DCTD: variants seen among roughly 807,000 people sequenced by gnomAD.
DCTD encodes the protein deoxycytidylate deaminase.
In DCTD, 23 loss-of-function variants were observed where a neutral mutation model predicts 21.0. The ratio of observed to expected loss-of-function variants is 1.09; its 90% CI spans 0.79 to 1.55. DCTD has a LOEUF of 1.55. DCTD is among the 40% of genes most tolerant of loss of function. DCTD has a pLI of 0.00. For synonymous variants in DCTD, 71 were observed against 81.1 expected (o/e 0.88, Z 0.67); for missense variants, 224 against 230.0 (o/e 0.97, Z 0.17).
chr4:182,908,721 G>T (rs921805412), intron 3 of DCTD, among the ~76,000 whole-genome samples: 1 of 143,452 alleles, frequency 7.0e-6, no homozygotes, highest in East Asian at 2.1e-4. Context: ...AGAAGAAGAA[G>T]AAGAAATAAA....
At chr4:182,896,188 G>A (rs1242959071) in intron 3 of DCTD, among the ~76,000 whole-genome samples, 2 of 152,150 alleles carry the variant, frequency 1.3e-5, no homozygotes, top group East Asian at 1.9e-4. Context: ...TTGCTTCATC[G>A]ATGATCATTT....
chr4:182,907,345 C>T (rs1026754670), intron 3 of DCTD, among the ~76,000 whole-genome samples: 1 of 152,136 alleles, frequency 6.6e-6, no homozygotes, highest in Admixed American at 6.5e-5. Flanking sequence ...GCCATGTTGC[C>T]CAGGCTGGTC....
intron 4 of DCTD, 57 bp downstream of exon 4, chr4:182,894,432 G>C: frequency 2.0e-6 from 2 of 976,726 alleles, no homozygotes; most frequent in Non-Finnish European, 3.3e-6. Context: ...TCAGCAATGA[G>C]CTACTGACGA....
intron 3 of DCTD, among the ~76,000 whole-genome samples, chr4:182,895,021 C>T (rs1036569907): frequency 6.6e-6 from 1 of 152,206 alleles, no homozygotes; most frequent in South Asian, 2.1e-4. Context: ...CGAAGCTGAG[C>T]GTGTCCATCC....
rs535880790 is a variant in DCTD at position 182,893,726 on chromosome 4, G to A, written c.362-599C>T. On this transcript the variant is annotated intron_variant, in intron 4 of 5. Transcript: ENST00000438320. Reference sequence around the variant, plus strand: ...CTGCTCGGCCCACAGGCCTGCCACCGCCTCCACACCTGGGCACCGCGAGGA... The same window carrying A: ...CTGCTCGGCCCACAGGCCTGCCACCACCTCCACACCTGGGCACCGCGAGGA... Among the ~76,000 whole-genome samples, 73 of 152,168 alleles carry A rather than the reference G, an allele frequency of 4.8e-4. No individual in the cohort carries two copies. In the South Asian group the frequency reaches 5.6e-3, roughly 12 times the overall value.
intron 3 of DCTD, among the ~76,000 whole-genome samples, chr4:182,910,292 T>C (rs754054074): frequency 3.9e-5 from 6 of 152,190 alleles, no homozygotes; most frequent in Non-Finnish European, 8.8e-5. Context: ...TTACTAAAAA[T>C]TCCCTTAAGT....
intron 3 of DCTD, among the ~76,000 whole-genome samples, chr4:182,902,497 C>G (rs1735915577): frequency 1.3e-5 from 2 of 152,234 alleles, no homozygotes; most frequent in Admixed American, 1.3e-4. Flanking sequence ...CTCCCCGCCC[C>G]TCTCCTGGCT....
intron 3 of DCTD, among the ~76,000 whole-genome samples, chr4:182,898,696 T>C (rs1209294881): frequency 6.6e-6 from 1 of 152,198 alleles, no homozygotes; most frequent in Non-Finnish European, 1.5e-5. Context: ...ACTTAGTCCT[T>C]AGTCTAGAGA....
chr4:182,916,819 C>A, intron 1 of DCTD: 2 of 1,106,540 alleles, frequency 1.8e-6, no homozygotes, highest in Non-Finnish European at 1.1e-6. Flanking sequence ...CCTGGTGTGG[C>A]TGAACGCCCA....
Position 182,908,577 on chromosome 4 carries a change from C to T in DCTD, c.244+6346G>A, listed in dbSNP as rs905461455. Among the ~76,000 whole-genome samples, 14 of 150,898 alleles carry T rather than the reference C, an allele frequency of 9.3e-5. No homozygotes were observed. In the East Asian group the frequency reaches 1.2e-3, roughly 13 times the overall value. ...CGTGCCTGTAATCACACAGCTACTC[C>T]GAGGCTGAAGCAGGAGAATCGCTTG... On this transcript the variant is annotated intron_variant, in intron 3 of 5. Coordinates refer to ENST00000438320, the MANE Select transcript of DCTD (RefSeq NM_001921.3).
intron 5 of DCTD, 41 bp downstream of exon 5, chr4:182,892,990 T>G (rs200866423): frequency 8.0e-7 from 1 of 1,244,548 alleles, no homozygotes; most frequent in African/African-American, 1.5e-5. Flanking sequence ...TCATCAGCCT[T>G]CACCCTACCC....
At chr4:182,902,255 T>C (rs1204713925) in intron 3 of DCTD, among the ~76,000 whole-genome samples, 2 of 152,138 alleles carry the variant, frequency 1.3e-5, no homozygotes, top group Non-Finnish European at 2.9e-5. Flanking sequence ...GTGTTCCCAA[T>C]TATGGCTTCC....
Position 182,891,238 on chromosome 4 carries a change from CAA to C in DCTD, c.*159_*160del, listed in dbSNP as rs1733687845. ...TCAAACACATGTAGATTCCATGTGA[CAA>C]GAGAGACAGTAAGGAAGATTTGAGG... On this transcript the variant is annotated 3_prime_UTR_variant, in exon 6 of 6. Transcript: ENST00000438320. 1.6e-6 allele frequency: 1 copy of C among 641,176 alleles called. No individual in the cohort carries two copies. The highest frequency in any genetic ancestry group is 2.5e-5 in the East Asian group (1 of 39,536). 39.7% of individuals were successfully genotyped at this position (641,176 alleles called of 1,614,324 possible).
intron 2 of DCTD, among the ~76,000 whole-genome samples, 156 bp from the exon 3 acceptor site, chr4:182,915,214 G>A (rs1182752188): frequency 6.6e-6 from 1 of 152,166 alleles, no homozygotes; most frequent in Non-Finnish European, 1.5e-5. Context: ...GGTTTTTTGT[G>A]GCAGCACCCA....
intron 3 of DCTD, among the ~76,000 whole-genome samples, chr4:182,904,561 CCTCAGG>C (rs1013911574): frequency 1.3e-5 from 2 of 152,290 alleles, no homozygotes; most frequent in African/African-American, 4.8e-5. Flanking sequence ...CCCTGGCCTG[CCTCAGG>C]CAGCGCACTG....
intron 3 of DCTD, among the ~76,000 whole-genome samples, chr4:182,909,617 A>G (rs1237717092): frequency 6.6e-6 from 1 of 152,224 alleles, no homozygotes; most frequent in East Asian, 1.9e-4. Context: ...TTCAGGACGG[A>G]AAGAACAAAT....
At chr4:182,916,805 T>G (rs1648200027) in intron 1 of DCTD, 1 of 1,113,754 alleles carries the variant, frequency 9.0e-7, no homozygotes, top group Admixed American at 3.9e-5. Context: ...CCTGGGCGCC[T>G]TCTCCTGGTG....
intron 3 of DCTD, among the ~76,000 whole-genome samples, chr4:182,899,682 T>C (rs906138083): frequency 1.3e-4 from 20 of 152,132 alleles, no homozygotes; most frequent in Non-Finnish European, 2.4e-4. Flanking sequence ...ATTACAGGCA[T>C]GAGCCACCGC....
At chr4:182,910,342 T>G (rs1274413624) in intron 3 of DCTD, among the ~76,000 whole-genome samples, 2 of 152,214 alleles carry the variant, frequency 1.3e-5, no homozygotes, top group Non-Finnish European at 2.9e-5. Flanking sequence ...CTCTCTAATT[T>G]GTAAACTATA....
Sources: allele counts gnomAD v4.1 joint callset (sites outside exome capture counted in the v4.1 genomes callset), GRCh38; gene constraint gnomAD v4.1.1; transcripts MANE v1.5; gene names NCBI Gene and HGNC (gene_info 2026-07-23, HGNC 2026-07-21).